HAVCR1: variants seen among roughly 807,000 people sequenced by gnomAD.
HAVCR1 encodes the protein hepatitis A virus cellular receptor 1, also known as T cell immunoglobin domain and mucin domain protein 1.
Under a neutral mutation model 32.0 loss-of-function variants are expected in HAVCR1, and 34 were observed. That is an observed-to-expected ratio of 1.06 (90% CI 0.81 to 1.42). The LOEUF (loss-of-function observed/expected upper bound fraction) is 1.42, where lower values mean the gene tolerates loss of function less well. HAVCR1 is among the 40% of genes most tolerant of loss of function. The pLI is 0.00. For synonymous variants in HAVCR1, 178 were observed against 170.3 expected, an observed-to-expected ratio of 1.05 and a Z score of -0.35; for missense variants, 420 against 442.3, an observed-to-expected ratio of 0.95 and a Z score of 0.45.
intron 4 of HAVCR1, among the ~76,000 whole-genome samples, chr5:157,050,151 C>T (rs1161916707): frequency 6.6e-6 from 1 of 152,160 alleles, no homozygotes; most frequent in African/African-American, 2.4e-5. Context: ...TTTTCAACAT[C>T]GCTCTTTCTC....
intron 7 of HAVCR1, among the ~76,000 whole-genome samples, chr5:157,033,887 T>A (rs1754331093): frequency 6.6e-6 from 1 of 152,120 alleles, no homozygotes; most frequent in South Asian, 2.1e-4. Context: ...ACCCCATCTC[T>A]ACTAAAAACA....
At chr5:157,029,955 G>A in intron 8 of HAVCR1, 114 bp from the exon 9 acceptor site, 3 of 732,764 alleles carry the variant, frequency 4.1e-6, no homozygotes, top group Admixed American at 2.6e-5. Flanking sequence ...CGAGACTCCA[G>A]GAGCCCCGTT....
At position 157,057,881 on chromosome 5, in the gene HAVCR1, G is replaced by GGC; in HGVS notation, c.46+15_46+16dup. 1 of 1,606,264 alleles carries GGC rather than the reference G, an allele frequency of 6.2e-7. No individual in the cohort carries two copies. The highest frequency in any genetic ancestry group is 8.5e-7 in the Non-Finnish European group (1 of 1,173,174). Reference sequence around the variant, plus strand: ...CCTCTACTCCCTTCTTCCCGCCCAGGGCACCTACTCACTTACCTGCCAGAT... The same window carrying GGC: ...CCTCTACTCCCTTCTTCCCGCCCAGGGCGCACCTACTCACTTACCTGCCAGAT... On this transcript the variant is annotated intron_variant, in intron 2 of 8. Transcript: ENST00000523175.
chr5:157,042,023 C>G (rs894413089), intron 6 of HAVCR1, among the ~76,000 whole-genome samples: 2 of 152,014 alleles, frequency 1.3e-5, no homozygotes, highest in African/African-American at 4.8e-5. Context: ...CGCATCACTA[C>G]ACTCCAGCCT....
At chr5:157,039,540 G>A (rs1188540880) in intron 6 of HAVCR1, among the ~76,000 whole-genome samples, 1 of 152,114 alleles carries the variant, frequency 6.6e-6, no homozygotes, top group African/African-American at 2.4e-5. Context: ...GTACAGAGGA[G>A]GTTTCATCAT....
chr5:157,044,780 T>C (rs1755276766), intron 5 of HAVCR1, among the ~76,000 whole-genome samples: 1 of 152,166 alleles, frequency 6.6e-6, no homozygotes, highest in Non-Finnish European at 1.5e-5. Context: ...ACAGGTATTA[T>C]GACCTTAAGT....
At chr5:157,044,676 A>AGAAAGAAAGAAAGGAG (rs142603344) in intron 5 of HAVCR1, among the ~76,000 whole-genome samples, 27 of 109,494 alleles carry the variant, frequency 2.5e-4, no homozygotes, top group African/African-American at 6.6e-4. Flanking sequence ...AAAGAAAGAA[A>AGAAAGAAAGAAAGGAG]GGAGGGAGGG....
At chr5:157,048,244 G>A (rs1561595085) in intron 5 of HAVCR1, among the ~76,000 whole-genome samples, 1 of 152,110 alleles carries the variant, frequency 6.6e-6, no homozygotes, top group Non-Finnish European at 1.5e-5. Context: ...AACATCAGAG[G>A]GCTGGATTTA....
At chr5:157,051,198 A>G (rs1297156498) in intron 4 of HAVCR1, among the ~76,000 whole-genome samples, 1 of 152,188 alleles carries the variant, frequency 6.6e-6, no homozygotes, top group Non-Finnish European at 1.5e-5. Flanking sequence ...GCCTGAACTG[A>G]AAAAAATAAA....
chr5:157,045,964 A>G (rs185862683), intron 5 of HAVCR1, among the ~76,000 whole-genome samples: 3 of 152,200 alleles, frequency 2.0e-5, no homozygotes, highest in Non-Finnish European at 2.9e-5. Context: ...TACACTCTCA[A>G]AGAGTGGGGT....
intron 6 of HAVCR1, among the ~76,000 whole-genome samples, chr5:157,042,014 G>T (rs1227751723): frequency 3.3e-5 from 5 of 151,908 alleles, no homozygotes; most frequent in Admixed American, 3.3e-4. Flanking sequence ...AGCTGAGATC[G>T]CATCACTACA....
rs61734032 is a variant in HAVCR1, at chr5:157,052,578, C to T, written c.456G>A (p.Thr152=). 1.2e-3 allele frequency: 1,885 copies of T among 1,596,386 alleles called. 19 individuals are homozygous for T. The African/African-American group carries it at 0.019, about 16-fold the overall frequency. Residue 152 remains threonine, a synonymous_variant, in exon 4 of 9, where the codon ACG becomes ACA. Transcript: ENST00000523175. ...CAGTCGTCATTGGAACAGTCGTTGT[C>T]GTTGGAACAGTGGTGCTCGTTCGAA... ...TTVRTSTTVP[T]TTTVPMTTVP... is the part of the protein sequence containing the mutation.
At chr5:157,050,144 T>C (rs1456308833) in intron 4 of HAVCR1, among the ~76,000 whole-genome samples, 2 of 152,200 alleles carry the variant, frequency 1.3e-5, no homozygotes, top group African/African-American at 4.8e-5. Context: ...ACTTCACTTT[T>C]CAACATCGCT....
chr5:157,029,689 T>G lies in HAVCR1; in HGVS notation c.*44A>C. On this transcript the variant is annotated 3_prime_UTR_variant, in exon 9 of 9. Transcript: ENST00000523175. ...CTGATGTGCTGATGTCTGTTCAGTC[T>G]TCTGCACTCATGGGCGTAAACTCTC... 1 of 1,611,594 alleles carries G rather than the reference T, an allele frequency of 6.2e-7. No homozygotes were observed. The highest frequency in any genetic ancestry group is 8.5e-7 in the Non-Finnish European group (1 of 1,179,594).
chr5:157,030,495 T>G (rs1239339067), intron 8 of HAVCR1, among the ~76,000 whole-genome samples: 1 of 152,148 alleles, frequency 6.6e-6, no homozygotes, highest in Non-Finnish European at 1.5e-5. Flanking sequence ...CTACAGATTT[T>G]TTTTTTAATT....
chr5:157,029,477 T>C lies in HAVCR1; in HGVS notation c.*256A>G, dbSNP rs1343585342. The C allele has an allele frequency of 1.3e-5, 10 of 755,420 alleles. No homozygotes were observed. The highest frequency in any genetic ancestry group is 2.2e-5 in the Non-Finnish European group (10 of 463,884). 46.8% of individuals were successfully genotyped at this position (755,420 alleles called of 1,614,324 possible). ...AACATACAATTATAAAGTGTTCATATTTGAGAGAAAACTGCAATGATCAGA... is the reference window on the plus strand; with the variant it reads ...AACATACAATTATAAAGTGTTCATACTTGAGAGAAAACTGCAATGATCAGA... On this transcript the variant is annotated 3_prime_UTR_variant, in exon 9 of 9. Transcript: ENST00000523175.
chr5:157,032,954 C>CT (rs35340566), intron 7 of HAVCR1, 67 bp from the exon 8 acceptor site: 38 of 976,074 alleles, frequency 3.9e-5, no homozygotes, highest in East Asian at 7.5e-5. Context: ...GAGTTTTAAT[C>CT]TTTTTTTCAA....
chr5:157,061,457 G>C (rs555518058), upstream of HAVCR1, among the ~76,000 whole-genome samples: 13 of 152,264 alleles, frequency 8.5e-5, no homozygotes, highest in African/African-American at 3.1e-4. Context: ...GCTCACACCT[G>C]TAATCCAAAG....
intron 2 of HAVCR1, among the ~76,000 whole-genome samples, chr5:157,056,137 A>T (rs1475731834): frequency 6.7e-6 from 1 of 150,310 alleles, no homozygotes; most frequent in East Asian, 2.0e-4. Flanking sequence ...TTTAGTAGAG[A>T]CAGGCTAGTC....
Sources: allele counts gnomAD v4.1 joint callset (sites outside exome capture counted in the v4.1 genomes callset), GRCh38; gene constraint gnomAD v4.1.1; transcripts MANE v1.5; gene names NCBI Gene and HGNC (gene_info 2026-07-23, HGNC 2026-07-21).